KLF12: variants seen among roughly 807,000 people sequenced by gnomAD.
KLF12 encodes the protein KLF transcription factor 12.
Under a neutral mutation model 37.8 loss-of-function variants are expected in KLF12, and 9 were observed. The observed-to-expected ratio is 0.24, with a 90% CI of 0.14 to 0.42. KLF12 has a LOEUF of 0.42. Among genes scored for constraint, KLF12 ranks in the 10% least tolerant of loss-of-function variants. The pLI is 1.00. For synonymous variants in KLF12, 208 were observed against 202.1 expected (o/e 1.03, Z -0.25); for missense variants, 411 against 516.0 (o/e 0.80, Z 1.97).
At chr13:74,252,047 G>T in the KLF12 span, among the ~76,000 whole-genome samples, 1 of 152,186 alleles carries the variant, frequency 6.6e-6, no homozygotes, top group Admixed American at 6.5e-5. Flanking sequence ...TGACAGCTGT[G>T]GTTCTGATTC....
At chr13:73,955,804 C>G (rs1459459400) in intron 2 of KLF12, among the ~76,000 whole-genome samples, 1 of 152,178 alleles carries the variant, frequency 6.6e-6, no homozygotes, top group Non-Finnish European at 1.5e-5. Flanking sequence ...ATCAAAAGAA[C>G]TACAAAGGAA....
At chr13:73,878,453 T>C (rs140648776) in intron 3 of KLF12, among the ~76,000 whole-genome samples, 356 of 152,290 alleles carry the variant, frequency 2.3e-3, no homozygotes, top group African/African-American at 7.7e-3. Flanking sequence ...GGAAATAAGA[T>C]AAAAATGCAA....
intron 6 of KLF12, among the ~76,000 whole-genome samples, chr13:73,729,831 T>C (rs2137796212): frequency 6.6e-6 from 1 of 152,232 alleles, no homozygotes; most frequent in Non-Finnish European, 1.5e-5. Flanking sequence ...GGGAAGCAAG[T>C]GAACACGCAA....
intron 1 of KLF12, among the ~76,000 whole-genome samples, chr13:74,088,896 T>A (rs988800644): frequency 6.6e-6 from 1 of 152,194 alleles, no homozygotes; most frequent in Non-Finnish European, 1.5e-5. Flanking sequence ...CTTGTATGCA[T>A]AACAGGATGT....
In KLF12 at chr13:73,691,634, C is replaced by A. The variant is rs1873828335; in HGVS notation, c.*3856G>T. 1 of 152,602 alleles carries A rather than the reference C, an allele frequency of 6.6e-6. No individual in the cohort carries two copies. The highest frequency in any genetic ancestry group is 1.9e-4 in the East Asian group (1 of 5,196). 9.5% of individuals were successfully genotyped at this position (152,602 alleles called of 1,614,324 possible). The stretch of plus-strand genomic sequence containing the variant: ...ACAACATCATGGCTACATTTCTAAG[C>A]AGTCATAACAACATAACAAAGGCGT... On this transcript the variant is annotated 3_prime_UTR_variant, in exon 8 of 8. Coordinates refer to ENST00000377669, the MANE Select transcript of KLF12 (RefSeq NM_007249.5).
At chr13:74,010,120 T>A (rs1200279630) in intron 1 of KLF12, among the ~76,000 whole-genome samples, 5 of 151,894 alleles carry the variant, frequency 3.3e-5, no homozygotes, top group Admixed American at 3.3e-4. Context: ...TGGCTGATTT[T>A]TTGGTAGAGA....
chr13:73,999,464 T>A (rs1321194873), intron 1 of KLF12, among the ~76,000 whole-genome samples: 1 of 152,116 alleles, frequency 6.6e-6, no homozygotes, highest in Non-Finnish European at 1.5e-5. Context: ...CCGGGCACAG[T>A]GGCTCACGCC....
intron 2 of KLF12, among the ~76,000 whole-genome samples, chr13:73,987,373 G>A (rs1324811667): frequency 6.6e-6 from 1 of 151,980 alleles, no homozygotes; most frequent in Non-Finnish European, 1.5e-5. Flanking sequence ...CAATTACTAT[G>A]CTGCTTTAAC....
At chr13:73,980,427 G>C (rs1566492032) in intron 2 of KLF12, among the ~76,000 whole-genome samples, 1 of 152,152 alleles carries the variant, frequency 6.6e-6, no homozygotes, top group Non-Finnish European at 1.5e-5. Flanking sequence ...TATGAAAATA[G>C]ATGCAAATAT....
At chr13:74,077,000 T>C (rs1323513587) in intron 1 of KLF12, among the ~76,000 whole-genome samples, 1 of 152,226 alleles carries the variant, frequency 6.6e-6, no homozygotes, top group Non-Finnish European at 1.5e-5. Context: ...GGCTGCATGG[T>C]ATTCTGTGGT....
chr13:73,785,934 A>G (rs1275965786), intron 5 of KLF12, among the ~76,000 whole-genome samples: 2 of 152,096 alleles, frequency 1.3e-5, no homozygotes, highest in East Asian at 3.9e-4. Flanking sequence ...CTGTCTTTTG[A>G]CATCTTAAAG....
intron 7 of KLF12, 50 bp downstream of exon 7, chr13:73,715,318 C>T: frequency 6.4e-7 from 1 of 1,566,640 alleles, no homozygotes; most frequent in Non-Finnish European, 8.7e-7. Context: ...GTGGCCGGCG[C>T]TTTATGGACT....
In KLF12 at chr13:73,690,428, G is replaced by A. The variant is rs1873751912; in HGVS notation, c.*5062C>T. 1 of 152,188 alleles carries A rather than the reference G, an allele frequency of 6.6e-6. No homozygotes were observed. The highest frequency in any genetic ancestry group is 1.5e-5 in the Non-Finnish European group (1 of 68,020). The allele number at this position is 152,188 out of a possible 1,614,324, so 9.4% of individuals were successfully genotyped here. On this transcript the variant is annotated 3_prime_UTR_variant, in exon 8 of 8. Transcript: ENST00000377669. Reference sequence around the variant, plus strand: ...GGTTGTTCACACTCTGTTGAGGAGGGAGATAACTGAGAAAAGAGAACAATT... The same window carrying A: ...GGTTGTTCACACTCTGTTGAGGAGGAAGATAACTGAGAAAAGAGAACAATT...
the KLF12 span, among the ~76,000 whole-genome samples, chr13:74,211,298 G>A: frequency 6.6e-6 from 1 of 152,128 alleles, no homozygotes; most frequent in Non-Finnish European, 1.5e-5. Flanking sequence ...AGAGTGAGCT[G>A]GCTTATCATG....
chr13:73,966,215 G>C (rs1891168433), intron 2 of KLF12, among the ~76,000 whole-genome samples: 1 of 152,094 alleles, frequency 6.6e-6, no homozygotes, highest in African/African-American at 2.4e-5. Flanking sequence ...ATACAAGCTT[G>C]TGCATGTCAT....
intron 1 of KLF12, among the ~76,000 whole-genome samples, chr13:74,130,742 C>A (rs948977645): frequency 6.6e-6 from 1 of 151,966 alleles, no homozygotes; most frequent in Admixed American, 6.5e-5. Context: ...GTTCATTAAT[C>A]AGCATGCAAG....
At chr13:74,278,244 G>A in the KLF12 span, among the ~76,000 whole-genome samples, 6 of 152,118 alleles carry the variant, frequency 3.9e-5, no homozygotes, top group Non-Finnish European at 5.9e-5. Flanking sequence ...TAGGAATCTG[G>A]TGACAGCTGC....
At chr13:73,977,758 T>C (rs980728155) in intron 2 of KLF12, among the ~76,000 whole-genome samples, 9 of 152,348 alleles carry the variant, frequency 5.9e-5, no homozygotes, top group African/African-American at 1.7e-4. Flanking sequence ...AGTCTGGTCT[T>C]GGCAAAAGAA....
At chr13:74,112,226 G>A (rs1008143697) in intron 1 of KLF12, among the ~76,000 whole-genome samples, 2 of 144,392 alleles carry the variant, frequency 1.4e-5, no homozygotes, top group African/African-American at 2.5e-5. Context: ...GTGTGTGTAT[G>A]ATATGTATGC....
Sources: allele counts gnomAD v4.1 joint callset (sites outside exome capture counted in the v4.1 genomes callset), GRCh38; gene constraint gnomAD v4.1.1; transcripts MANE v1.5; gene names NCBI Gene and HGNC (gene_info 2026-07-23, HGNC 2026-07-21).